Variants in DNAH14 observed in about 807,000 individuals in gnomAD.
DNAH14 encodes axonemal beta dynein heavy chain 14.
Under a neutral mutation model 520.9 loss-of-function variants are expected in DNAH14, and 478 were observed. The observed-to-expected ratio is 0.92, with a 90% CI of 0.85 to 0.99. DNAH14 has a LOEUF of 0.99. Among genes scored for constraint, DNAH14 ranks in the 50% least tolerant of loss-of-function variants. The pLI is 0.00. For missense variants in DNAH14, 4,831 were observed against 5,234.5 expected (o/e 0.92, Z 2.38); for synonymous variants, 1,581 against 1,757.2 (o/e 0.90, Z 2.51).
At chr1:225,389,924 A>C (rs1390896508) in intron 83 of DNAH14, 51 bp downstream of exon 83, 3 of 1,516,142 alleles carry the variant, frequency 2.0e-6, no homozygotes, top group East Asian at 2.5e-5. Flanking sequence ...GCAAGTTTGC[A>C]CTCAGTCCTT....
chr1:225,065,876 C>T (rs1288971790), intron 17 of DNAH14, among the ~76,000 whole-genome samples: 1 of 151,964 alleles, frequency 6.6e-6, no homozygotes, highest in African/African-American at 2.4e-5. Context: ...TGGGTAAATA[C>T]CCAGAAGTGA....
intron 43 of DNAH14, among the ~76,000 whole-genome samples, chr1:225,247,138 A>G (rs1268570455): frequency 1.3e-5 from 2 of 152,172 alleles, no homozygotes; most frequent in African/African-American, 4.8e-5. Context: ...AGAAAACCAA[A>G]TACTGCATGT....
At chr1:225,212,283 A>G (rs1252927609) in intron 41 of DNAH14, among the ~76,000 whole-genome samples, 1 of 151,534 alleles carries the variant, frequency 6.6e-6, no homozygotes, top group Non-Finnish European at 1.5e-5. Context: ...TATGTGCCAT[A>G]TTTTCTTAAT....
chr1:225,015,939 A>G (rs1284113166), intron 10 of DNAH14, among the ~76,000 whole-genome samples: 2 of 152,152 alleles, frequency 1.3e-5, no homozygotes, highest in East Asian at 1.9e-4. Flanking sequence ...CTGTGCACAG[A>G]CAAGGAGAGG....
At chr1:225,100,622 C>T in intron 22 of DNAH14, 91 bp from the exon 23 acceptor site, 1 of 1,001,714 alleles carries the variant, frequency 1.0e-6, no homozygotes. Context: ...TTTTATAACT[C>T]AAACAGTATT....
chr1:225,369,394 G>A (rs573727071), intron 77 of DNAH14, among the ~76,000 whole-genome samples: 12 of 151,626 alleles, frequency 7.9e-5, no homozygotes, highest in Non-Finnish European at 1.5e-4. Flanking sequence ...AAATAAAAAA[G>A]AAGAAAGCAG....
At chr1:225,087,718 A>G (rs1183331154) in intron 21 of DNAH14, among the ~76,000 whole-genome samples, 2 of 152,208 alleles carry the variant, frequency 1.3e-5, no homozygotes, top group African/African-American at 4.8e-5. Flanking sequence ...TGGAGGCTAC[A>G]GTATTTAGGA....
At chr1:225,393,408 A>G (rs1365554392) in intron 84 of DNAH14, among the ~76,000 whole-genome samples, 1 of 152,236 alleles carries the variant, frequency 6.6e-6, no homozygotes, top group Non-Finnish European at 1.5e-5. Context: ...ACAGACCTGT[A>G]CAGCATGTTA....
intron 84 of DNAH14, chr1:225,396,342 T>A (rs2096010814): frequency 6.6e-6 from 1 of 152,248 alleles, no homozygotes. Context: ...CTGATAATGA[T>A]GGCACTGATG....
At chr1:225,208,208 C>T (rs564666969) in intron 41 of DNAH14, among the ~76,000 whole-genome samples, 2 of 152,176 alleles carry the variant, frequency 1.3e-5, no homozygotes, top group Non-Finnish European at 2.9e-5. Flanking sequence ...AGAGTGACCA[C>T]TCCCTCCCCA....
Position 225,147,162 on chromosome 1 carries a change from A to G in DNAH14, c.4853A>G (p.Glu1618Gly), listed in dbSNP as rs2080027790. Residue 1618 changes from glutamate to glycine, a missense_variant, in exon 31 of 86, where the codon GAA becomes GGA. By Grantham distance (98) the Glu-to-Gly change is moderately conservative. Coordinates refer to ENST00000682510, the MANE Select transcript of DNAH14 (RefSeq NM_001367479.1). ...VQSGAWSCFD[E>G]FNLIDLEVLS... ...TCAGGAGCATGGAGTTGTTTTGATG[A>G]ATTCAATCTAATTGATTTGGAAGTT... is the stretch of plus-strand genomic sequence containing the variant. The G allele has an allele frequency of 6.4e-7, 1 of 1,550,744 alleles. No individual in the cohort carries two copies. The highest frequency in any genetic ancestry group is 8.7e-7 in the Non-Finnish European group (1 of 1,146,650).
In DNAH14 at chr1:225,264,228, C is replaced by T. The variant is rs986610029; in HGVS notation, c.7189C>T (p.Pro2397Ser). The change falls in exon 47 of 86, where the codon CCT (proline) becomes TCT (serine). Residue 2397 changes from proline (P) to serine (S), a missense_variant. By Grantham distance (74) the Pro-to-Ser change is moderately conservative (BLOSUM62 -1). Transcript: ENST00000682510. ...SLKQNITILI[P>S]ETHKTATGSS... ...AAAACAGAATATCACCATCTTGATT[C>T]CTGAAACTCATAAGACAGCAACTGG... 6.5e-7 allele frequency: 1 copy of T among 1,549,984 alleles called. No individual in the cohort carries two copies. Among genetic ancestry groups the T allele is most frequent in the Non-Finnish European group, 8.7e-7 (1 of 1,145,882 alleles).
At chr1:225,220,202 TACTG>T (rs1160083058) in intron 41 of DNAH14, among the ~76,000 whole-genome samples, 2 of 152,184 alleles carry the variant, frequency 1.3e-5, no homozygotes, top group African/African-American at 4.8e-5. Flanking sequence ...GCCAATGTCA[TACTG>T]AATGAGCAAA....
chr1:225,184,753 A>AG (rs1559217447), intron 36 of DNAH14, among the ~76,000 whole-genome samples: 6 of 151,808 alleles, frequency 4.0e-5, no homozygotes, highest in African/African-American at 1.5e-4. Context: ...TCTTAAAAAA[A>AG]AGAGAGAGAG....
chr1:225,031,603 G>A (rs1051934081), intron 11 of DNAH14, among the ~76,000 whole-genome samples: 1 of 151,858 alleles, frequency 6.6e-6, no homozygotes, highest in Non-Finnish European at 1.5e-5. Flanking sequence ...TAAAAAAATC[G>A]ATTAATCTAA....
rs543556148 is a variant in DNAH14, at chr1:225,309,721, C to T, written c.9240+1311C>T. Reference sequence around the variant, plus strand: ...CATCCTGGCCAACATGGTGAAACCCCGTCTCTACTAAAAATACAAAAATTA... The same window carrying T: ...CATCCTGGCCAACATGGTGAAACCCTGTCTCTACTAAAAATACAAAAATTA... On this transcript the variant is annotated intron_variant, in intron 60 of 85. Coordinates refer to ENST00000682510, the MANE Select transcript of DNAH14 (RefSeq NM_001367479.1). Among the ~76,000 whole-genome samples, 8 of 152,148 alleles carry T rather than the reference C, an allele frequency of 5.3e-5. No homozygotes were observed. The South Asian group carries it at 1.0e-3, about 20-fold the overall frequency.
In DNAH14 at chr1:225,338,091, A is replaced by G. The variant is rs1357179781; in HGVS notation, c.10342A>G (p.Lys3448Glu). 6.4e-7 allele frequency: 1 copy of G among 1,550,970 alleles called. No homozygotes were observed. The highest frequency in any genetic ancestry group is 2.0e-5 in the Admixed American group (1 of 50,866). Residue 3448 changes from lysine to glutamate, a missense_variant, in exon 68 of 86, where the codon AAG becomes GAG. Transcript: ENST00000682510. The stretch of plus-strand genomic sequence containing the variant: ...CCTTGAGACATTAGCTCCAGGCTTA[A>G]AGGCAATTCTGAAAAAGGATATCTA... The part of the protein sequence containing the change: ...NLLETLAPGL[K>E]AILKKDIYQK...
intron 37 of DNAH14, among the ~76,000 whole-genome samples, chr1:225,187,464 C>A (rs1573839778): frequency 6.6e-6 from 1 of 151,822 alleles, no homozygotes; most frequent in East Asian, 1.9e-4. Context: ...CATTTGTGTA[C>A]AAGTTGAGTA....
At chr1:225,274,140 T>G (rs2093391043) in intron 52 of DNAH14, among the ~76,000 whole-genome samples, 1 of 151,794 alleles carries the variant, frequency 6.6e-6, no homozygotes, top group African/African-American at 2.4e-5. Context: ...CTAATTTAAG[T>G]TCCCACCAAC....
Sources: allele counts gnomAD v4.1 joint callset (sites outside exome capture counted in the v4.1 genomes callset), GRCh38; gene constraint gnomAD v4.1.1; transcripts MANE v1.5; gene names NCBI Gene and HGNC (gene_info 2026-07-23, HGNC 2026-07-21).